DLG3: variants seen among roughly 807,000 people sequenced by gnomAD.
DLG3 encodes discs large MAGUK scaffold protein 3.
Under a neutral mutation model 64.1 loss-of-function variants are expected in DLG3, and 1 was observed. That is an observed-to-expected ratio of 0.02 (90% confidence interval 0.01 to 0.07). The LOEUF (loss-of-function observed/expected upper bound fraction) is 0.07. DLG3 is among the 10% of genes least tolerant of loss of function. The pLI is 1.00. For missense variants in DLG3, 429 were observed against 669.5 expected, an observed-to-expected ratio of 0.64 and a Z score of 3.96; for synonymous variants, 245 against 259.8, an observed-to-expected ratio of 0.94 and a Z score of 0.55.
At position 70,445,530 on chromosome X, in the gene DLG3, C is replaced by G. The variant is rs776193643; in HGVS notation, c.329C>G (p.Thr110Ser). 2.5e-6 allele frequency: 3 copies of G among 1,185,206 alleles called. No individual in the cohort carries two copies. The highest frequency in any genetic ancestry group is 4.8e-5 in the Admixed American group (2 of 41,786). Residue 110 changes from threonine to serine, a missense_variant, in exon 1 of 19, where the codon ACC (threonine) becomes AGC (serine). Around this residue, in one of 9 missense-constraint regions of DLG3, gnomAD observed 123 missense variants for 113.3 expected, o/e 1.09. Coordinates refer to ENST00000374360, the MANE Select transcript of DLG3 (RefSeq NM_021120.4). The part of the protein sequence containing the change: ...GSGPSWWPEC[T>S]CTNRDWYEQV... The stretch of plus-strand genomic sequence containing the variant: ...GGCCCCAGCTGGTGGCCAGAGTGCA[C>G]CTGTACCAACCGGGACTGGTATGAG...
intron 10 of DLG3, 103 bp downstream of exon 10, chrX:70,479,367 C>A: frequency 1.6e-6 from 1 of 632,309 alleles, no homozygotes. Context: ...TATGTACTCC[C>A]AGTTCTAAAA....
At position 70,445,788 on chromosome X, in the gene DLG3, G is replaced by A. The variant is rs977019919; in HGVS notation, c.357+230G>A. On this transcript the variant is annotated intron_variant, in intron 1 of 18. Transcript: ENST00000374360. The stretch of plus-strand genomic sequence containing the variant: ...GAGGAGCCGTGTGTCAGGGGGTAAG[G>A]GCATGGCGGAGGGGCACATTTTCCT... 1.2e-4 allele frequency among the ~76,000 whole-genome samples: 13 copies of A among 105,520 alleles called. 1 individual carries two copies. Among genetic ancestry groups the A allele is most frequent in the African/African-American group, 4.5e-4 (13 of 28,651 alleles). 91.6% of individuals were successfully genotyped at this position (105,520 alleles called of 115,157 possible). A position where few individuals can be genotyped will look rare whatever the true frequency, so the allele number is the denominator to read the frequency against.
Position 70,449,895 on chromosome X carries a change from C to T in DLG3, c.703+36C>T, listed in dbSNP as rs766946010. 2.7e-5 allele frequency: 31 copies of T among 1,159,508 alleles called. No homozygotes were observed. In the African/African-American group the frequency reaches 3.9e-4, roughly 15 times the overall value. Reference sequence around the variant, plus strand: ...CCAGGTTCCTGTGCTCCAGCCAGAGCCTTAGGCCCCAGATCCCATCTTGCC... The same window carrying T: ...CCAGGTTCCTGTGCTCCAGCCAGAGTCTTAGGCCCCAGATCCCATCTTGCC... On this transcript the variant is annotated intron_variant, in intron 4 of 18. Coordinates refer to ENST00000374360, the MANE Select transcript of DLG3 (RefSeq NM_021120.4).
chrX:70,461,238 C>T (rs889329271), intron 9 of DLG3, among the ~76,000 whole-genome samples: 2 of 112,240 alleles, frequency 1.8e-5, no homozygotes, highest in African/African-American at 6.5e-5. Flanking sequence ...TATTGTAAGT[C>T]CTTTTGATTC....
intron 10 of DLG3, among the ~76,000 whole-genome samples, chrX:70,488,379 A>G (rs375564329): frequency 4.5e-5 from 5 of 112,048 alleles, no homozygotes; most frequent in Non-Finnish European, 9.4e-5. Context: ...CTGAGATAGA[A>G]GAGCCCTGGT....
At chrX:70,446,556 C>G (rs1175219965) in intron 1 of DLG3, among the ~76,000 whole-genome samples, 2 of 112,789 alleles carry the variant, frequency 1.8e-5, no homozygotes, top group Admixed American at 1.9e-4. Context: ...GCATGTCCCC[C>G]TTGGGTACCT....
At chrX:70,457,839 G>A (rs1198691998) in intron 9 of DLG3, among the ~76,000 whole-genome samples, 1 of 109,765 alleles carries the variant, frequency 9.1e-6, no homozygotes, top group African/African-American at 3.3e-5. Flanking sequence ...CCAAAGTGCT[G>A]GGATTACAGG....
intron 9 of DLG3, among the ~76,000 whole-genome samples, chrX:70,463,033 G>C (rs1236945287): frequency 8.9e-6 from 1 of 112,177 alleles, no homozygotes; most frequent in Non-Finnish European, 1.9e-5. Flanking sequence ...GTCTTTGTTA[G>C]ATGGTTTGAG....
intron 9 of DLG3, among the ~76,000 whole-genome samples, chrX:70,470,726 C>T (rs1207340265): frequency 8.9e-6 from 1 of 111,885 alleles, no homozygotes; most frequent in Non-Finnish European, 1.9e-5. Flanking sequence ...AAACTGAGCA[C>T]CTCTCAGCTT....
intron 9 of DLG3, among the ~76,000 whole-genome samples, chrX:70,461,119 C>G (rs773474687): frequency 9.0e-6 from 1 of 111,700 alleles, no homozygotes; most frequent in Admixed American, 9.6e-5. Context: ...ACAACTCTGA[C>G]CTTTGGTGGA....
rs1435973424 is a variant in DLG3 at position 70,503,158 on chromosome X, G to A, written c.*889G>A. On this transcript the variant is annotated 3_prime_UTR_variant, in exon 19 of 19. Coordinates refer to ENST00000374360, the MANE Select transcript of DLG3 (RefSeq NM_021120.4). ...AGTCCTGTGTGCGGACAGAGAGAAT[G>A]GCTAATGATGCTCCGCGTGGAATTG... 1 of 112,020 alleles carries A rather than the reference G, an allele frequency of 8.9e-6. No individual in the cohort carries two copies. The highest frequency in any genetic ancestry group is 2.8e-4 in the East Asian group (1 of 3,567). 9.2% of individuals were successfully genotyped at this position (112,020 alleles called of 1,213,427 possible). A position where few individuals can be genotyped will look rare whatever the true frequency, so the allele number is the denominator to read the frequency against.
At chrX:70,500,814 T>G (rs1475428168) in intron 17 of DLG3, 84 bp from the exon 18 acceptor site, 17 of 977,474 alleles carry the variant, frequency 1.7e-5, no homozygotes, top group African/African-American at 5.8e-5. Flanking sequence ...GCTTAGCAGA[T>G]TTTTAGGGAT....
intron 9 of DLG3, among the ~76,000 whole-genome samples, chrX:70,475,502 C>T (rs192870669): frequency 1.8e-5 from 2 of 111,609 alleles, no homozygotes; most frequent in African/African-American, 6.5e-5. Context: ...GGACTACAGG[C>T]GTGTGGCCAC....
rs1219680467 is a variant in DLG3, at chrX:70,500,007, C to A, written c.2103C>A (p.Leu701=). ...FIEAGQFNDN[L]YGTSIQSVRA... ...AGGCGGGCCAATTTAATGATAACCT[C>A]TATGGGACCAGCATCCAGTCAGTGC... The change falls in exon 16 of 19, where the codon CTC becomes CTA. Residue 701 remains leucine (L), a synonymous_variant. Coordinates refer to ENST00000374360, the MANE Select transcript of DLG3 (RefSeq NM_021120.4). 8.3e-7 allele frequency: 1 copy of A among 1,211,397 alleles called. No individual in the cohort carries two copies. The highest frequency in any genetic ancestry group is 1.1e-6 in the Non-Finnish European group (1 of 895,316).
chrX:70,469,792 C>A (rs771708182), intron 9 of DLG3, among the ~76,000 whole-genome samples: 1 of 111,831 alleles, frequency 8.9e-6, no homozygotes, highest in South Asian at 3.8e-4. Flanking sequence ...AAGGTTTATA[C>A]TCCAAAGGCA....
At chrX:70,477,645 C>T (rs2147837966) in intron 9 of DLG3, among the ~76,000 whole-genome samples, 1 of 111,812 alleles carries the variant, frequency 8.9e-6, no homozygotes, top group Admixed American at 9.5e-5. Context: ...GAGTCAGTGA[C>T]TTAACTGCTT....
chrX:70,481,993 A>G (rs1330034735), intron 10 of DLG3, among the ~76,000 whole-genome samples: 2 of 112,045 alleles, frequency 1.8e-5, no homozygotes, highest in South Asian at 3.8e-4. Context: ...GGACATGTGC[A>G]TAAATAAAAC....
chrX:70,471,078 A>G (rs6525368), intron 9 of DLG3, among the ~76,000 whole-genome samples: 7,054 of 110,159 alleles, frequency 0.064, 582 homozygotes, highest in African/African-American at 0.22. Flanking sequence ...CACAGAGTCC[A>G]GGTTTGTCCT....
intron 18 of DLG3, among the ~76,000 whole-genome samples, chrX:70,501,409 C>CTGTGTG (rs796396273): frequency 2.5e-4 from 19 of 75,161 alleles, no homozygotes; most frequent in East Asian, 2.5e-3. Flanking sequence ...GTCTGTCTGT[C>CTGTGTG]TGTCTGTGTG....
Sources: gnomAD v4.1 joint callset for allele counts (sites outside exome capture counted in the v4.1 genomes callset) on GRCh38, gnomAD v4.1.1 for gene constraint, gnomAD v4.1.1 regional missense constraint, MANE v1.5 for transcripts, NCBI Gene and HGNC (gene_info 2026-07-23, HGNC 2026-07-21) for gene names.